The following COL24A1 variants were observed in gnomAD, a reference collection of about 807,000 sequenced individuals.
COL24A1 encodes the protein collagen alpha-1(XXIV) chain.
Under a neutral mutation model 253.9 loss-of-function variants are expected in COL24A1, and 224 were observed. The observed-to-expected ratio is 0.88, with a 90% CI of 0.79 to 0.99. COL24A1 has a LOEUF of 0.99. Ranked by LOEUF, COL24A1 falls within the 50% of genes least tolerant of loss-of-function variation. The probability of loss-of-function intolerance (pLI) is 0.00; values close to 1 mark genes in which losing one functional copy is unlikely to be tolerated. For synonymous variants in COL24A1, 685 were observed against 673.7 expected, an observed-to-expected ratio of 1.02 and a Z score of -0.26; for missense variants, 2,131 against 2,068.5, an observed-to-expected ratio of 1.03 and a Z score of -0.59.
At chr1:86,085,052 T>A (rs1216871921) in intron 7 of COL24A1, among the ~76,000 whole-genome samples, 1 of 152,242 alleles carries the variant, frequency 6.6e-6, no homozygotes, top group Non-Finnish European at 1.5e-5. Flanking sequence ...CTCCATTATC[T>A]TTCTTCAGGC....
chr1:85,856,795 G>A (rs61783159), intron 37 of COL24A1, among the ~76,000 whole-genome samples: 4 of 152,092 alleles, frequency 2.6e-5, no homozygotes, highest in Non-Finnish European at 4.4e-5. Flanking sequence ...GTGTCTGTAC[G>A]CCCAAAGGCT....
At chr1:85,787,044 GA>G (rs1485105266) in intron 47 of COL24A1, among the ~76,000 whole-genome samples, 1 of 152,012 alleles carries the variant, frequency 6.6e-6, no homozygotes, top group Non-Finnish European at 1.5e-5. Flanking sequence ...TTTAAACATT[GA>G]AAAGAATAAT....
At position 85,970,276 on chromosome 1, in the gene COL24A1, A is replaced by C. The variant is rs776438676; in HGVS notation, c.2419-5T>G. 1.2e-5 allele frequency: 15 copies of C among 1,283,132 alleles called. No individual in the cohort carries two copies. In the Admixed American group the frequency reaches 2.0e-4, roughly 17 times the overall value. 79.5% of individuals were successfully genotyped at this position (1,283,132 alleles called of 1,614,324 possible). On this transcript the variant is annotated splice_region_variant and splice_polypyrimidine_tract_variant and intron_variant, in intron 21 of 59. Coordinates refer to ENST00000370571, the MANE Select transcript of COL24A1 (RefSeq NM_152890.7). ...TCCAATTGGTCCTTCTTCTCCCTTAAAAAAAAAAAAAGTCAGAACATATTA... is the reference window on the plus strand; with the variant it reads ...TCCAATTGGTCCTTCTTCTCCCTTACAAAAAAAAAAAGTCAGAACATATTA...
chr1:85,772,097 AT>A (rs1343788241), intron 53 of COL24A1, among the ~76,000 whole-genome samples: 4 of 148,788 alleles, frequency 2.7e-5, no homozygotes, highest in Non-Finnish European at 3.0e-5. Context: ...ATGATTTCCA[AT>A]TTCATCCATG....
At chr1:85,907,164 T>G (rs1571169655) in intron 28 of COL24A1, 30 bp downstream of exon 28, 2 of 1,542,448 alleles carry the variant, frequency 1.3e-6, no homozygotes, top group South Asian at 1.1e-5. Context: ...TTTGGGGGGG[T>G]TAATGTACTT....
At chr1:86,101,600 G>T (rs528610724) in intron 5 of COL24A1, among the ~76,000 whole-genome samples, 3 of 152,198 alleles carry the variant, frequency 2.0e-5, no homozygotes, top group South Asian at 4.1e-4. Context: ...ACATGAAGGG[G>T]TGTTGAATTT....
chr1:85,977,586 T>A (rs183743145), intron 20 of COL24A1, among the ~76,000 whole-genome samples: 1 of 152,254 alleles, frequency 6.6e-6, no homozygotes, highest in East Asian at 1.9e-4. Context: ...CACTGGAAAG[T>A]GTCAATAATA....
intron 5 of COL24A1, among the ~76,000 whole-genome samples, chr1:86,102,988 T>C (rs12046556): frequency 0.019 from 2,846 of 152,280 alleles, 80 homozygotes; most frequent in East Asian, 0.098. Context: ...TATGAAAGTA[T>C]CCCACTATTA....
At chr1:85,873,828 T>TAAAA (rs10631015) in intron 35 of COL24A1, among the ~76,000 whole-genome samples, 52,011 of 148,104 alleles carry the variant, frequency 0.35, 9,531 homozygotes, top group East Asian at 0.51. Flanking sequence ...TTAAAATACA[T>TAAAA]AAAAAAAAAA....
intron 3 of COL24A1, among the ~76,000 whole-genome samples, chr1:86,119,247 T>C (rs1254693396): frequency 6.6e-6 from 1 of 152,118 alleles, no homozygotes; most frequent in African/African-American, 2.4e-5. Context: ...TGCCCAATAC[T>C]GAGAAACTTT....
intron 8 of COL24A1, among the ~76,000 whole-genome samples, chr1:86,060,096 C>T (rs562397868): frequency 6.6e-6 from 1 of 152,182 alleles, no homozygotes; most frequent in South Asian, 2.1e-4. Flanking sequence ...ACAAGGTTTG[C>T]TCAGGGAAGG....
At chr1:85,808,549 C>T (rs1672214157) in intron 47 of COL24A1, among the ~76,000 whole-genome samples, 1 of 152,178 alleles carries the variant, frequency 6.6e-6, no homozygotes, top group African/African-American at 2.4e-5. Flanking sequence ...AGTGCTATGT[C>T]AACTCAATTT....
chr1:85,815,192 T>G (rs904889075), intron 47 of COL24A1, among the ~76,000 whole-genome samples: 4 of 152,194 alleles, frequency 2.6e-5, no homozygotes, highest in Non-Finnish European at 5.9e-5. Flanking sequence ...TATTTCCCAG[T>G]AAAACTTAAT....
At chr1:85,823,023 T>C (rs1271521272) in intron 45 of COL24A1, among the ~76,000 whole-genome samples, 1 of 152,214 alleles carries the variant, frequency 6.6e-6, no homozygotes, top group Non-Finnish European at 1.5e-5. Flanking sequence ...TACTTGCCCA[T>C]GCTATATTTG....
At chr1:86,108,549 A>G (rs1705213813) in intron 5 of COL24A1, among the ~76,000 whole-genome samples, 2 of 145,992 alleles carry the variant, frequency 1.4e-5, no homozygotes, top group Non-Finnish European at 3.0e-5. Context: ...TTGGGAGGTC[A>G]AGGCAGGTGG....
intron 33 of COL24A1, 55 bp downstream of exon 33, chr1:85,877,067 G>C: frequency 1.6e-6 from 2 of 1,225,852 alleles, no homozygotes; most frequent in South Asian, 2.7e-5. Context: ...TTTTACCTTA[G>C]AGTCTTACAA....
chr1:86,107,505 GGTAAT>G (rs1705099886), intron 5 of COL24A1, among the ~76,000 whole-genome samples: 1 of 147,032 alleles, frequency 6.8e-6, no homozygotes, highest in Non-Finnish European at 1.5e-5. Flanking sequence ...GTGACACAAT[GGTAAT>G]TTATTTATTT....
At chr1:85,945,261 C>T (rs1168633585) in intron 24 of COL24A1, among the ~76,000 whole-genome samples, 1 of 151,440 alleles carries the variant, frequency 6.6e-6, no homozygotes, top group Non-Finnish European at 1.5e-5. Flanking sequence ...TCATGATCCG[C>T]CCACCTCCCG....
chr1:86,101,396 T>G (rs1323122930), intron 5 of COL24A1, among the ~76,000 whole-genome samples: 1 of 152,206 alleles, frequency 6.6e-6, no homozygotes, highest in Non-Finnish European at 1.5e-5. Flanking sequence ...TTGCCTATTT[T>G]GCTCCGGCCA....
Sources: gnomAD v4.1 joint callset for allele counts (sites outside exome capture counted in the v4.1 genomes callset) on GRCh38, gnomAD v4.1.1 for gene constraint, MANE v1.5 for transcripts, NCBI Gene and HGNC (gene_info 2026-07-23, HGNC 2026-07-21) for gene names.